The following LRRC4C variants were observed in gnomAD, a reference collection of about 807,000 sequenced individuals.
LRRC4C encodes the protein leucine rich repeat containing 4C.
A neutral mutation model predicts 33.6 loss-of-function variants in LRRC4C; 5 were observed. The ratio of observed to expected loss-of-function variants is 0.15; its 90% CI spans 0.08 to 0.31. The LOEUF is 0.31. LRRC4C is among the 10% of genes least tolerant of loss of function. The probability of loss-of-function intolerance (pLI) is 1.00; values close to 1 mark genes in which losing one functional copy is unlikely to be tolerated. For synonymous variants in LRRC4C, 329 were observed against 302.0 expected, an observed-to-expected ratio of 1.09 and a Z score of -0.93; for missense variants, 560 against 796.7, an observed-to-expected ratio of 0.70 and a Z score of 3.58.
chr11:41,376,728 C>A (rs184116766), intron 1 of LRRC4C, among the ~76,000 whole-genome samples: 1 of 151,972 alleles, frequency 6.6e-6, no homozygotes, highest in East Asian at 1.9e-4. Flanking sequence ...ACACAATATA[C>A]TGACACACAC....
intron 3 of LRRC4C, among the ~76,000 whole-genome samples, chr11:40,644,346 T>C (rs1430854853): frequency 6.6e-6 from 1 of 152,214 alleles, no homozygotes; most frequent in Non-Finnish European, 1.5e-5. Flanking sequence ...ACAGTTACTC[T>C]GGAAAACTCT....
Position 40,114,788 on chromosome 11 carries a change from T to A in LRRC4C, c.1505A>T (p.Glu502Val), listed in dbSNP as rs1855294080. 6.2e-7 allele frequency: 1 copy of A among 1,614,064 alleles called. No individual in the cohort carries two copies. Among genetic ancestry groups the A allele is most frequent in the Non-Finnish European group, 8.5e-7 (1 of 1,180,042 alleles). Reference sequence around the variant, plus strand: ...AGTCACTGGGATGGTGAAGGTTTTCTCTGTCGACCTTGTGCTCTGTGGTGT... The same window carrying A: ...AGTCACTGGGATGGTGAAGGTTTTCACTGTCGACCTTGTGCTCTGTGGTGT... ...SLTPQSTRST[E>V]KTFTIPVTDI... Residue 502 changes from glutamate (E) to valine (V), a missense_variant, in exon 7 of 7, where the codon GAG becomes GTG. This residue lies in a region of LRRC4C where 455 missense variants were observed against 643.8 expected (regional missense o/e 0.71). Transcript: ENST00000528697.
At chr11:40,347,888 G>A (rs1046314677) in intron 3 of LRRC4C, among the ~76,000 whole-genome samples, 5 of 152,166 alleles carry the variant, frequency 3.3e-5, no homozygotes, top group African/African-American at 1.2e-4. Context: ...TATTACAGGC[G>A]TGAGCCACTG....
chr11:40,272,553 C>T lies in LRRC4C; in HGVS notation c.-175-30955G>A, dbSNP rs575818904. Among the ~76,000 whole-genome samples the T allele has an allele frequency of 5.8e-4, 88 of 151,968 alleles. 1 individual carries two copies. The highest frequency in any genetic ancestry group is 1.0e-3 in the Non-Finnish European group (70 of 67,944). On this transcript the variant is annotated intron_variant, in intron 4 of 6. Coordinates refer to ENST00000528697, the MANE Select transcript of LRRC4C (RefSeq NM_001258419.2). Reference sequence around the variant, plus strand: ...AAGGAGAGGAGGGAGGGTAAATTTCCGGCAACTTTTTGTTAGTTTGTTTTT... The same window carrying T: ...AAGGAGAGGAGGGAGGGTAAATTTCTGGCAACTTTTTGTTAGTTTGTTTTT...
Position 40,273,868 on chromosome 11 carries a change from T to A in LRRC4C, c.-175-32270A>T, listed in dbSNP as rs1315714456. Among the ~76,000 whole-genome samples, 3 of 152,212 alleles carry A rather than the reference T, an allele frequency of 2.0e-5. No homozygotes were observed. The East Asian group carries it at 5.8e-4, about 29-fold the overall frequency. On this transcript the variant is annotated intron_variant, in intron 4 of 6. Coordinates refer to ENST00000528697, the MANE Select transcript of LRRC4C (RefSeq NM_001258419.2). ...CACTAGTTGATTGTTCTGATGTGGGTGTGGATGCTGTTATGGCTACCTACC... is the reference window on the plus strand; with the variant it reads ...CACTAGTTGATTGTTCTGATGTGGGAGTGGATGCTGTTATGGCTACCTACC...
chr11:40,532,030 A>G (rs1956291916), intron 3 of LRRC4C, among the ~76,000 whole-genome samples: 2 of 147,704 alleles, frequency 1.4e-5, no homozygotes, highest in East Asian at 2.0e-4. Flanking sequence ...TAGCCTTTTT[A>G]TATGCATTTT....
intron 5 of LRRC4C, among the ~76,000 whole-genome samples, chr11:40,183,982 T>C (rs1861214101): frequency 6.6e-6 from 1 of 152,164 alleles, no homozygotes; most frequent in Non-Finnish European, 1.5e-5. Context: ...AGACAGAGCT[T>C]AGAGTTAAGA....
At chr11:40,708,283 T>C (rs1281353960) in intron 2 of LRRC4C, among the ~76,000 whole-genome samples, 1 of 152,208 alleles carries the variant, frequency 6.6e-6, no homozygotes, top group East Asian at 1.9e-4. Flanking sequence ...CTTGCTTCTC[T>C]AGTTCTTTTA....
chr11:40,247,452 C>A (rs570226105), intron 4 of LRRC4C, among the ~76,000 whole-genome samples: 1 of 152,250 alleles, frequency 6.6e-6, no homozygotes, highest in East Asian at 1.9e-4. Context: ...ATGTTGAGAA[C>A]TTATTCAAGC....
intron 3 of LRRC4C, among the ~76,000 whole-genome samples, chr11:40,514,152 T>A (rs1477547383): frequency 6.6e-6 from 1 of 152,214 alleles, no homozygotes; most frequent in Admixed American, 6.5e-5. Context: ...AAGACCTGGG[T>A]TCAAACCCTT....
intron 1 of LRRC4C, among the ~76,000 whole-genome samples, chr11:41,391,446 T>A (rs1953590152): frequency 6.6e-6 from 1 of 151,892 alleles, no homozygotes; most frequent in African/African-American, 2.4e-5. Context: ...TAAAATTGTA[T>A]TTGGGAATAC....
chr11:40,834,431 A>G (rs1234257280), intron 2 of LRRC4C, among the ~76,000 whole-genome samples: 1 of 151,432 alleles, frequency 6.6e-6, no homozygotes, highest in Non-Finnish European at 1.5e-5. Context: ...AGATCGTGCC[A>G]CTGCACTCCA....
chr11:40,231,848 A>C (rs1418103225), intron 5 of LRRC4C, among the ~76,000 whole-genome samples: 1 of 152,200 alleles, frequency 6.6e-6, no homozygotes, highest in Non-Finnish European at 1.5e-5. Flanking sequence ...TAAACACTGA[A>C]AGTTTTGTAT....
At chr11:40,917,132 C>G (rs562558466) in intron 2 of LRRC4C, among the ~76,000 whole-genome samples, 26 of 152,234 alleles carry the variant, frequency 1.7e-4, no homozygotes, top group African/African-American at 6.3e-4. Context: ...ATTTATCTAA[C>G]TTACATAGGT....
intron 2 of LRRC4C, among the ~76,000 whole-genome samples, chr11:40,667,694 C>T (rs2136250043): frequency 6.6e-6 from 1 of 152,250 alleles, no homozygotes; most frequent in South Asian, 2.1e-4. Context: ...TGGCCCCTGG[C>T]TGATAGCCAG....
chr11:40,278,186 C>T (rs1943243576), intron 4 of LRRC4C, among the ~76,000 whole-genome samples: 1 of 152,140 alleles, frequency 6.6e-6, no homozygotes, highest in Non-Finnish European at 1.5e-5. Flanking sequence ...TTGAACAGAG[C>T]TTCTTAACAA....
intron 1 of LRRC4C, among the ~76,000 whole-genome samples, chr11:41,306,613 A>G (rs1218673808): frequency 1.3e-5 from 2 of 152,174 alleles, no homozygotes; most frequent in African/African-American, 4.8e-5. Context: ...AATGCATGCT[A>G]AAGGGGGAAG....
intron 1 of LRRC4C, among the ~76,000 whole-genome samples, chr11:40,957,548 T>A (rs1362362249): frequency 6.6e-6 from 1 of 151,774 alleles, no homozygotes; most frequent in Non-Finnish European, 1.5e-5. Context: ...TGTTCTCTCA[T>A]CCTGTAAATG....
intron 3 of LRRC4C, among the ~76,000 whole-genome samples, chr11:40,344,043 G>T (rs1374691189): frequency 1.3e-5 from 2 of 151,972 alleles, no homozygotes; most frequent in African/African-American, 2.4e-5. Context: ...AGGACCAGGT[G>T]CATTTACAGC....
Sources: allele counts gnomAD v4.1 joint callset (sites outside exome capture counted in the v4.1 genomes callset), GRCh38; gene constraint gnomAD v4.1.1; regional missense constraint gnomAD v4.1.1; transcripts MANE v1.5; gene names NCBI Gene and HGNC (gene_info 2026-07-23, HGNC 2026-07-21).